TC2N: variants seen among roughly 807,000 people sequenced by gnomAD.
The protein encoded by TC2N is tandem C2 domains nuclear protein.
A neutral mutation model predicts 61.9 loss-of-function variants in TC2N; 51 were observed. That is an observed-to-expected ratio of 0.82 (90% CI 0.66 to 1.04). The LOEUF is 1.04. Ranked by LOEUF, TC2N falls within the 50% of genes least tolerant of loss-of-function variation. TC2N has a pLI of 0.00. For missense variants in TC2N, 556 were observed against 566.7 expected, an observed-to-expected ratio of 0.98 and a Z score of 0.19; for synonymous variants, 204 against 192.6, an observed-to-expected ratio of 1.06 and a Z score of -0.49.
At chr14:91,811,186 T>A (rs1886751964) in intron 3 of TC2N, among the ~76,000 whole-genome samples, 1 of 152,112 alleles carries the variant, frequency 6.6e-6, no homozygotes, top group South Asian at 2.1e-4. Flanking sequence ...GTTTAAGTGT[T>A]TGCAAGGAAA....
At chr14:91,864,930 G>C (rs115036139) in intron 1 of TC2N, among the ~76,000 whole-genome samples, 173 of 151,984 alleles carry the variant, frequency 1.1e-3, no homozygotes, top group African/African-American at 4.1e-3. Flanking sequence ...ATAGGTGTGT[G>C]CCACCACTCC....
intron 3 of TC2N, among the ~76,000 whole-genome samples, chr14:91,811,387 G>C (rs1886762691): frequency 6.6e-6 from 1 of 151,754 alleles, no homozygotes; most frequent in African/African-American, 2.4e-5. Flanking sequence ...CTGTATGTTT[G>C]AAATTTTTCT....
At chr14:91,828,422 T>C (rs1887595968) in intron 1 of TC2N, among the ~76,000 whole-genome samples, 3 of 152,012 alleles carry the variant, frequency 2.0e-5, no homozygotes, top group Non-Finnish European at 2.9e-5. Flanking sequence ...TAAAAGACAA[T>C]ATTGAAGAAC....
At chr14:91,795,741 G>C (rs1295291014) in intron 8 of TC2N, among the ~76,000 whole-genome samples, 1 of 152,074 alleles carries the variant, frequency 6.6e-6, no homozygotes, top group Non-Finnish European at 1.5e-5. Flanking sequence ...GTGGCAGTCT[G>C]GAACTGAACC....
intron 1 of TC2N, among the ~76,000 whole-genome samples, chr14:91,838,149 T>TTA (rs1338233278): frequency 2.0e-5 from 3 of 149,570 alleles, no homozygotes; most frequent in African/African-American, 7.4e-5. Flanking sequence ...TTTGTTCCTT[T>TTA]TTTTTTTTTT....
chr14:91,858,264 T>C (rs142807895), intron 1 of TC2N, among the ~76,000 whole-genome samples: 52 of 151,324 alleles, frequency 3.4e-4, no homozygotes, highest in African/African-American at 1.2e-3. Context: ...AGTGCTGAGA[T>C]TACAGGCGTG....
At chr14:91,786,672 T>C (rs192613773) in intron 10 of TC2N, among the ~76,000 whole-genome samples, 2 of 152,360 alleles carry the variant, frequency 1.3e-5, no homozygotes, top group Admixed American at 1.3e-4. Context: ...TATTGCTTTA[T>C]ACATGATAGA....
rs187839560 is a variant in TC2N at position 91,864,870 on chromosome 14, C to T, written c.-57+2392G>A. On this transcript the variant is annotated intron_variant, in intron 1 of 11. Coordinates refer to ENST00000435962, the MANE Select transcript of TC2N (RefSeq NM_001128596.3). Reference sequence around the variant, plus strand: ...AATCTCAGCTCACTGCAACCTCTGCCTCCTGGGTTCAAGCAATTCTCCTGC... The same window carrying T: ...AATCTCAGCTCACTGCAACCTCTGCTTCCTGGGTTCAAGCAATTCTCCTGC... Among the ~76,000 whole-genome samples the T allele has an allele frequency of 7.1e-4, 105 of 148,048 alleles. No homozygotes were observed. In the Middle Eastern group the frequency reaches 0.011, roughly 16 times the overall value.
intron 10 of TC2N, among the ~76,000 whole-genome samples, chr14:91,786,195 C>T (rs183157542): frequency 5.7e-4 from 87 of 152,172 alleles, no homozygotes; most frequent in African/African-American, 1.9e-3. Flanking sequence ...AAGGGAAGCC[C>T]GTCATAAACA....
Position 91,797,868 on chromosome 14 carries a change from C to T in TC2N, c.772G>A (p.Asp258Asn). Reference sequence around the variant, plus strand: ...CCTTTTATAGAAACAGTAGGAGTGTCTCCATAACTAGAGGGCCAACTTAAA... The same window carrying T: ...CCTTTTATAGAAACAGTAGGAGTGTTTCCATAACTAGAGGGCCAACTTAAA... ...RDLSWPSSYG[D>N]TPTVSIKGIL... The change falls in exon 8 of 12, where the codon GAC becomes AAC. Residue 258 changes from aspartate to asparagine, a missense_variant. Transcript: ENST00000435962. 6.2e-7 allele frequency: 1 copy of T among 1,607,048 alleles called. No homozygotes were observed.
chr14:91,844,397 C>T (rs1221914291), intron 1 of TC2N, among the ~76,000 whole-genome samples: 3 of 152,154 alleles, frequency 2.0e-5, no homozygotes, highest in Non-Finnish European at 4.4e-5. Flanking sequence ...AACGCACATG[C>T]CCACAGACTC....
intron 1 of TC2N, among the ~76,000 whole-genome samples, chr14:91,840,314 A>G (rs1285108477): frequency 6.6e-6 from 1 of 152,234 alleles, no homozygotes; most frequent in African/African-American, 2.4e-5. Context: ...ATGATGACAT[A>G]TAGATTACAT....
intron 1 of TC2N, among the ~76,000 whole-genome samples, chr14:91,840,051 T>G (rs148859522): frequency 6.6e-6 from 1 of 152,210 alleles, no homozygotes; most frequent in African/African-American, 2.4e-5. Flanking sequence ...TTCACCCCAC[T>G]GTCTCCCTCT....
chr14:91,852,326 G>C (rs1264613390), intron 1 of TC2N, among the ~76,000 whole-genome samples: 1 of 152,152 alleles, frequency 6.6e-6, no homozygotes, highest in Admixed American at 6.5e-5. Flanking sequence ...AGCTACTCGG[G>C]AGGCTGAGGT....
intron 1 of TC2N, chr14:91,866,262 A>G (rs777039612): frequency 1.3e-5 from 2 of 152,214 alleles, no homozygotes; most frequent in Non-Finnish European, 2.9e-5. Context: ...AGACCTACTT[A>G]AATGTTTTTA....
rs555457571 is a variant in TC2N, at chr14:91,847,966, G to A, written c.-57+19296C>T. On this transcript the variant is annotated intron_variant, in intron 1 of 11. Coordinates refer to ENST00000435962, the MANE Select transcript of TC2N (RefSeq NM_001128596.3). ...AAATCTAGTTCCATTTGTGGTTGTAGAATGGCTACCAGGGGAAGACCCTCC... is the reference window on the plus strand; with the variant it reads ...AAATCTAGTTCCATTTGTGGTTGTAAAATGGCTACCAGGGGAAGACCCTCC... Among the ~76,000 whole-genome samples the A allele has an allele frequency of 5.3e-5, 8 of 152,298 alleles. No homozygotes were observed. In the East Asian group the frequency reaches 1.5e-3, roughly 29 times the overall value.
At chr14:91,825,245 G>T (rs1346870209) in intron 1 of TC2N, among the ~76,000 whole-genome samples, 2 of 151,788 alleles carry the variant, frequency 1.3e-5, no homozygotes, top group East Asian at 3.9e-4. Context: ...TCTTGGCCAG[G>T]TTGGTCTTGA....
At chr14:91,855,460 C>G (rs1888465452) in intron 1 of TC2N, among the ~76,000 whole-genome samples, 1 of 152,180 alleles carries the variant, frequency 6.6e-6, no homozygotes, top group Non-Finnish European at 1.5e-5. Context: ...CTTATAGCCT[C>G]AAAACTCCAA....
intron 1 of TC2N, among the ~76,000 whole-genome samples, chr14:91,862,795 C>T (rs1888619835): frequency 6.6e-6 from 1 of 152,224 alleles, no homozygotes; most frequent in South Asian, 2.1e-4. Flanking sequence ...AAAGTCCCAG[C>T]TTTTATGGTG....
Sources: allele counts gnomAD v4.1 joint callset (sites outside exome capture counted in the v4.1 genomes callset), GRCh38; gene constraint gnomAD v4.1.1; transcripts MANE v1.5; gene names NCBI Gene and HGNC (gene_info 2026-07-23, HGNC 2026-07-21).